The following ROBO1 variants were observed in gnomAD, a reference collection of about 807,000 sequenced individuals.
ROBO1 encodes the protein roundabout homolog 1.
In ROBO1, 149 loss-of-function variants were observed where a neutral mutation model predicts 195.9. The ratio of observed to expected loss-of-function variants is 0.76; its 90% CI spans 0.67 to 0.87. ROBO1 has a LOEUF of 0.87. ROBO1 is among the 40% of genes least tolerant of loss of function. The pLI is 0.00. For synonymous variants in ROBO1, 816 were observed against 733.2 expected (o/e 1.11, Z -1.82); for missense variants, 1,933 against 2,068.3 (o/e 0.93, Z 1.27).
intron 2 of ROBO1, among the ~76,000 whole-genome samples, chr3:79,584,739 C>T (rs1262018840): frequency 6.6e-6 from 1 of 150,490 alleles, no homozygotes; most frequent in African/African-American, 2.4e-5. Flanking sequence ...AGAGATGAGC[C>T]CTCTGCAACC....
At chr3:79,523,212 T>C (rs1439649376) in intron 2 of ROBO1, among the ~76,000 whole-genome samples, 2 of 151,672 alleles carry the variant, frequency 1.3e-5, no homozygotes, top group African/African-American at 2.4e-5. Context: ...TACATAGTGA[T>C]ACAGTTACAC....
chr3:79,694,638 T>C (rs1005300815), intron 1 of ROBO1, among the ~76,000 whole-genome samples: 1 of 151,794 alleles, frequency 6.6e-6, no homozygotes, highest in Non-Finnish European at 1.5e-5. Flanking sequence ...GATTAGTAAA[T>C]AATTTACATT....
chr3:78,667,803 G>A (rs1356138032), intron 14 of ROBO1, 80 bp downstream of exon 14: 1 of 1,397,166 alleles, frequency 7.2e-7, no homozygotes, highest in South Asian at 1.3e-5. Context: ...ATTCTAGCAT[G>A]TAGCACAAGT....
intron 4 of ROBO1, among the ~76,000 whole-genome samples, chr3:78,893,674 A>G (rs1368559482): frequency 6.6e-6 from 1 of 152,200 alleles, no homozygotes; most frequent in East Asian, 1.9e-4. Flanking sequence ...AGTTAAAACA[A>G]TGCACTTGTA....
chr3:78,603,813 T>C (rs1371461330), intron 29 of ROBO1, among the ~76,000 whole-genome samples: 2 of 152,134 alleles, frequency 1.3e-5, no homozygotes, highest in Non-Finnish European at 2.9e-5. Context: ...GCATATAAAA[T>C]AATAACTCAT....
At chr3:79,169,628 T>C (rs1379042248) in intron 2 of ROBO1, among the ~76,000 whole-genome samples, 1 of 152,170 alleles carries the variant, frequency 6.6e-6, no homozygotes. Context: ...GTAGGCATTA[T>C]AATAAGATCC....
intron 2 of ROBO1, among the ~76,000 whole-genome samples, chr3:79,296,881 A>T (rs2032624046): frequency 6.6e-6 from 1 of 152,170 alleles, no homozygotes; most frequent in Non-Finnish European, 1.5e-5. Context: ...TCAAACTGTA[A>T]AATGTAAAAC....
intron 4 of ROBO1, among the ~76,000 whole-genome samples, chr3:78,846,811 A>G (rs1470472775): frequency 6.6e-6 from 1 of 152,154 alleles, no homozygotes; most frequent in African/African-American, 2.4e-5. Flanking sequence ...CTTTTAAAGA[A>G]CCTTTCTGTG....
chr3:79,476,322 C>T (rs1938544150), intron 2 of ROBO1, among the ~76,000 whole-genome samples: 1 of 152,188 alleles, frequency 6.6e-6, no homozygotes, highest in African/African-American at 2.4e-5. Flanking sequence ...TTATGGAAAA[C>T]AGCGTAGAGA....
intron 2 of ROBO1, among the ~76,000 whole-genome samples, chr3:79,350,896 C>T (rs1291925771): frequency 2.6e-5 from 4 of 152,050 alleles, no homozygotes; most frequent in Non-Finnish European, 5.9e-5. Context: ...CAGGCACCAT[C>T]ACAATGTACT....
rs1406946740 is a variant in ROBO1 at position 78,688,781 on chromosome 3, G to A, written c.1046-9C>T. Reference sequence around the variant, plus strand: ...AACAAAATGTGGAGGTTCTGAAGGAGGTGAAACAAATTACACCGAATTAAA... The same window carrying A: ...AACAAAATGTGGAGGTTCTGAAGGAAGTGAAACAAATTACACCGAATTAAA... On this transcript the variant is annotated splice_polypyrimidine_tract_variant and intron_variant, in intron 8 of 30. Transcript: ENST00000464233. 1.9e-6 allele frequency: 3 copies of A among 1,603,970 alleles called. No individual in the cohort carries two copies. The highest frequency in any genetic ancestry group is 8.5e-7 in the Non-Finnish European group (1 of 1,175,318).
chr3:78,623,930 G>C (rs1218120157), intron 26 of ROBO1, among the ~76,000 whole-genome samples: 1 of 152,060 alleles, frequency 6.6e-6, no homozygotes, highest in Non-Finnish European at 1.5e-5. Flanking sequence ...CTACTGATGG[G>C]GCAGACATTA....
At chr3:78,757,878 G>A (rs1350633851) in intron 4 of ROBO1, among the ~76,000 whole-genome samples, 2 of 152,130 alleles carry the variant, frequency 1.3e-5, no homozygotes, top group East Asian at 1.9e-4. Flanking sequence ...TGAACATAAC[G>A]TTCAGATCTG....
chr3:79,518,264 G>A (rs1941037946), intron 2 of ROBO1, among the ~76,000 whole-genome samples: 2 of 152,042 alleles, frequency 1.3e-5, no homozygotes, highest in Admixed American at 1.3e-4. Flanking sequence ...TCAGATTTGG[G>A]AGAAAAAAAT....
At chr3:78,662,213 T>G in intron 14 of ROBO1, 99 bp from the exon 15 acceptor site, 1 of 1,029,364 alleles carries the variant, frequency 9.7e-7, no homozygotes, top group South Asian at 2.0e-5. Context: ...CAACTCTCAG[T>G]AAAGAAGAGT....
rs890467518 is a variant in ROBO1 at position 79,521,731 on chromosome 3, C to T, written c.88+68093G>A. Among the ~76,000 whole-genome samples, 3 of 151,914 alleles carry T rather than the reference C, an allele frequency of 2.0e-5. No individual in the cohort carries two copies. In the South Asian group the frequency reaches 6.2e-4, roughly 32 times the overall value. ...AAAATGAAGTGGCCATATTTGTCAC[C>T]ACCCCCCACCCACACACACACTTCC... On this transcript the variant is annotated intron_variant, in intron 2 of 30. Coordinates refer to ENST00000464233, the MANE Select transcript of ROBO1 (RefSeq NM_002941.4).
At chr3:78,879,442 G>A (rs953460373) in intron 4 of ROBO1, among the ~76,000 whole-genome samples, 1 of 151,642 alleles carries the variant, frequency 6.6e-6, no homozygotes, top group Non-Finnish European at 1.5e-5. Context: ...TATATACGAG[G>A]TTAGGCAAAT....
chr3:78,903,425 T>A, intron 4 of ROBO1, among the ~76,000 whole-genome samples: 1 of 151,782 alleles, frequency 6.6e-6, no homozygotes, highest in East Asian at 1.9e-4. Flanking sequence ...CATAAAAGCA[T>A]GTGAAAAGAG....
intron 27 of ROBO1, among the ~76,000 whole-genome samples, chr3:78,616,874 G>T (rs1425766367): frequency 1.3e-5 from 2 of 151,988 alleles, no homozygotes; most frequent in South Asian, 4.2e-4. Context: ...AAACAGAATT[G>T]GGAAGAGGAG....
Sources: gnomAD v4.1 joint callset for allele counts (sites outside exome capture counted in the v4.1 genomes callset) on GRCh38, gnomAD v4.1.1 for gene constraint, MANE v1.5 for transcripts, NCBI Gene and HGNC (gene_info 2026-07-23, HGNC 2026-07-21) for gene names.